The following WDPCP variants were observed in gnomAD, a reference collection of about 807,000 sequenced individuals.
WDPCP encodes the protein WD repeat-containing and planar cell polarity effector protein fritz homolog.
In WDPCP, 71 loss-of-function variants were observed where a neutral mutation model predicts 93.1. The ratio of observed to expected loss-of-function variants is 0.76; its 90% CI spans 0.63 to 0.93. The LOEUF (loss-of-function observed/expected upper bound fraction) is 0.93. Ranked by LOEUF, WDPCP falls within the 40% of genes least tolerant of loss-of-function variation. The pLI, the probability that WDPCP is intolerant of heterozygous loss-of-function variation, is 0.00. For synonymous variants in WDPCP, 315 were observed against 315.0 expected (o/e 1.00, Z 0.00); for missense variants, 844 against 887.4 (o/e 0.95, Z 0.62).
intron 12 of WDPCP, among the ~76,000 whole-genome samples, chr2:63,337,810 T>C (rs1688495360): frequency 6.6e-6 from 1 of 152,212 alleles, no homozygotes; most frequent in African/African-American, 2.4e-5. Flanking sequence ...TTTTGAAAAA[T>C]GTCTATTCAG....
chr2:63,819,374 T>G (rs1381386277), intron 1 of WDPCP, among the ~76,000 whole-genome samples: 1 of 152,204 alleles, frequency 6.6e-6, no homozygotes, highest in Non-Finnish European at 1.5e-5. Flanking sequence ...TTATTTCCTG[T>G]GCTTTACTAA....
chr2:63,158,454 C>A (rs1425319845), intron 15 of WDPCP, among the ~76,000 whole-genome samples: 1 of 152,132 alleles, frequency 6.6e-6, no homozygotes, highest in African/African-American at 2.4e-5. Flanking sequence ...TAAATTGGCT[C>A]TTTTATCATC....
At chr2:63,595,451 C>T in intron 3 of WDPCP, 1 of 1,612,238 alleles carries the variant, frequency 6.2e-7, no homozygotes, top group Non-Finnish European at 8.5e-7. Flanking sequence ...TTGGATATCA[C>T]CCCCATGATG....
chr2:63,167,378 T>C (rs756990886), intron 15 of WDPCP, among the ~76,000 whole-genome samples: 1 of 152,220 alleles, frequency 6.6e-6, no homozygotes, highest in Non-Finnish European at 1.5e-5. Context: ...TTGTTCCCTT[T>C]TCTCATTTTT....
At chr2:63,441,405 T>C (rs919477502) in intron 6 of WDPCP, 1 of 152,098 alleles carries the variant, frequency 6.6e-6, no homozygotes, top group Non-Finnish European at 1.5e-5. Context: ...CTTCCTCCTT[T>C]ATTCAAAACA....
At chr2:63,175,882 T>C (rs1325356911) in intron 14 of WDPCP, among the ~76,000 whole-genome samples, 1 of 152,216 alleles carries the variant, frequency 6.6e-6, no homozygotes, top group Non-Finnish European at 1.5e-5. Context: ...TGAATAATGC[T>C]GCTATGAACA....
At chr2:63,670,422 C>G (rs923616955) in intron 2 of WDPCP, among the ~76,000 whole-genome samples, 4 of 152,020 alleles carry the variant, frequency 2.6e-5, no homozygotes, top group Admixed American at 6.6e-5. Context: ...AAAGTGTGAT[C>G]CTGGGATCTA....
At chr2:63,673,311 G>A (rs1374860309) in intron 2 of WDPCP, among the ~76,000 whole-genome samples, 1 of 152,162 alleles carries the variant, frequency 6.6e-6, no homozygotes, top group Non-Finnish European at 1.5e-5. Flanking sequence ...GAAAATGCCT[G>A]TGAAGGATAA....
intron 1 of WDPCP, among the ~76,000 whole-genome samples, chr2:63,517,559 A>G (rs1265705518): frequency 1.3e-5 from 2 of 152,214 alleles, no homozygotes; most frequent in African/African-American, 4.8e-5. Flanking sequence ...TAAGACTCCA[A>G]TATATAAAAC....
At chr2:63,205,347 T>C (rs550022323) in intron 14 of WDPCP, among the ~76,000 whole-genome samples, 4 of 152,344 alleles carry the variant, frequency 2.6e-5, no homozygotes, top group African/African-American at 9.6e-5. Flanking sequence ...TAGGATTTTT[T>C]TTCTATTTCT....
At chr2:63,403,459 A>G (rs1371189159) in intron 10 of WDPCP, among the ~76,000 whole-genome samples, 1 of 152,192 alleles carries the variant, frequency 6.6e-6, no homozygotes, top group East Asian at 1.9e-4. Context: ...GAAATGGGCT[A>G]TATTAATATA....
intron 13 of WDPCP, among the ~76,000 whole-genome samples, chr2:63,284,776 T>C (rs1327936828): frequency 6.6e-6 from 1 of 152,194 alleles, no homozygotes; most frequent in Non-Finnish European, 1.5e-5. Flanking sequence ...AAATGAATTG[T>C]TTATTTTTGG....
intron 1 of WDPCP, among the ~76,000 whole-genome samples, chr2:63,574,991 T>G (rs1217172479): frequency 6.6e-6 from 1 of 152,148 alleles, no homozygotes; most frequent in Non-Finnish European, 1.5e-5. Flanking sequence ...CATTTTATAT[T>G]TTTTTGAGAA....
At chr2:63,719,469 G>A (rs1275530807) in intron 2 of WDPCP, among the ~76,000 whole-genome samples, 1 of 152,168 alleles carries the variant, frequency 6.6e-6, no homozygotes, top group Non-Finnish European at 1.5e-5. Flanking sequence ...GGCCAAGAAT[G>A]GATCTGATGT....
chr2:63,530,542 C>T (rs781282924), intron 1 of WDPCP, among the ~76,000 whole-genome samples: 9 of 152,100 alleles, frequency 5.9e-5, no homozygotes, highest in African/African-American at 2.2e-4. Context: ...TTATCTGGCC[C>T]TTTTCATGTC....
intron 9 of WDPCP, among the ~76,000 whole-genome samples, chr2:63,432,369 T>C (rs964426987): frequency 6.6e-6 from 1 of 152,162 alleles, no homozygotes; most frequent in Non-Finnish European, 1.5e-5. Context: ...CACAGCACCA[T>C]TAACACTTTA....
chr2:63,478,423 TG>T (rs1700086297), intron 6 of WDPCP, among the ~76,000 whole-genome samples: 1 of 152,144 alleles, frequency 6.6e-6, no homozygotes, highest in African/African-American at 2.4e-5. Flanking sequence ...TTCTCCAAGA[TG>T]GACCATAGAA....
intron 1 of WDPCP, among the ~76,000 whole-genome samples, chr2:63,569,240 G>T (rs1252975537): frequency 6.6e-6 from 1 of 152,102 alleles, no homozygotes; most frequent in East Asian, 1.9e-4. Flanking sequence ...GAATACAAAT[G>T]AAAAGTCTAT....
intron 8 of WDPCP, 92 bp downstream of exon 8, chr2:63,437,329 T>C (rs1007779514): frequency 1.8e-5 from 19 of 1,062,384 alleles, no homozygotes; most frequent in Admixed American, 8.2e-5. Flanking sequence ...AATCCAGAAA[T>C]GTTGAAGAAT....
Sources: gnomAD v4.1 joint callset for allele counts (sites outside exome capture counted in the v4.1 genomes callset) on GRCh38, gnomAD v4.1.1 for gene constraint, MANE v1.5 for transcripts, NCBI Gene and HGNC (gene_info 2026-07-23, HGNC 2026-07-21) for gene names.